The following GDAP1L1 variants were observed in gnomAD, a reference collection of about 807,000 sequenced individuals.
GDAP1L1 encodes the protein ganglioside-induced differentiation-associated protein 1-like 1.
GDAP1L1 carries 21 observed loss-of-function variants against 37.1 expected under a neutral mutation model. The observed-to-expected ratio is 0.57, with a 90% CI of 0.40 to 0.81. The LOEUF (loss-of-function observed/expected upper bound fraction) is 0.81, where lower values mean the gene tolerates loss of function less well. Ranked by LOEUF, GDAP1L1 falls within the 40% of genes least tolerant of loss-of-function variation. The pLI is 0.00. For synonymous variants in GDAP1L1, 193 were observed against 209.1 expected (o/e 0.92, Z 0.67); for missense variants, 362 against 491.6 (o/e 0.74, Z 2.49).
At chr20:44,270,097 G>C (rs1204422608) in intron 5 of GDAP1L1, among the ~76,000 whole-genome samples, 1 of 152,038 alleles carries the variant, frequency 6.6e-6, no homozygotes, top group Non-Finnish European at 1.5e-5. Context: ...ACAAAAAGAG[G>C]AATCAGGACC....
At chr20:44,257,061 T>C in intron 1 of GDAP1L1, 92 bp from the exon 2 acceptor site, 1 of 1,348,234 alleles carries the variant, frequency 7.4e-7, no homozygotes, top group Admixed American at 2.4e-5. Flanking sequence ...GTGTGTGACC[T>C]CTGACCTCCC....
At chr20:44,264,882 G>A in intron 5 of GDAP1L1, 1 of 1,078,518 alleles carries the variant, frequency 9.3e-7, no homozygotes, top group African/African-American at 1.7e-5. Flanking sequence ...GCACACAGTA[G>A]GTGTTTAATA....
intron 1 of GDAP1L1, among the ~76,000 whole-genome samples, chr20:44,247,804 G>T (rs2073362078): frequency 6.6e-6 from 1 of 151,964 alleles, no homozygotes; most frequent in Non-Finnish European, 1.5e-5. Flanking sequence ...TGGGGGGGCT[G>T]AGAAAAGAGA....
At position 44,263,798 on chromosome 20, in the gene GDAP1L1, C is replaced by T. The variant is rs191453096; in HGVS notation, c.645+471C>T. Reference sequence around the variant, plus strand: ...GGCGGAGGTTGCAGTGAGCTGAGATCGGGCCACTACACTCTAGCCTGGGCA... The same window carrying T: ...GGCGGAGGTTGCAGTGAGCTGAGATTGGGCCACTACACTCTAGCCTGGGCA... On this transcript the variant is annotated intron_variant, in intron 4 of 5. Coordinates refer to ENST00000342560, the MANE Select transcript of GDAP1L1 (RefSeq NM_024034.6). 2.2e-4 allele frequency among the ~76,000 whole-genome samples: 34 copies of T among 152,150 alleles called. 1 individual carries two copies. Among genetic ancestry groups the T allele is most frequent in the African/African-American group, 6.3e-4 (26 of 41,534 alleles).
chr20:44,256,341 T>C (rs1346517023), intron 1 of GDAP1L1, among the ~76,000 whole-genome samples: 3 of 152,152 alleles, frequency 2.0e-5, no homozygotes, highest in Non-Finnish European at 2.9e-5. Flanking sequence ...GTACCCCAAA[T>C]AATTTGAGAA....
At chr20:44,259,113 C>T (rs924075617) in intron 3 of GDAP1L1, among the ~76,000 whole-genome samples, 2 of 152,158 alleles carry the variant, frequency 1.3e-5, no homozygotes, top group African/African-American at 2.4e-5. Flanking sequence ...GAAGACTACC[C>T]AGATGTGGCA....
intron 3 of GDAP1L1, among the ~76,000 whole-genome samples, chr20:44,261,727 G>A (rs1479588257): frequency 6.6e-6 from 1 of 152,230 alleles, no homozygotes; most frequent in Admixed American, 6.5e-5. Context: ...GTGAATGGCA[G>A]CTCTGATTAG....
At chr20:44,276,458 A>AAGAAAG (rs1555801213) in intron 5 of GDAP1L1, among the ~76,000 whole-genome samples, 5 of 150,118 alleles carry the variant, frequency 3.3e-5, no homozygotes, top group African/African-American at 1.3e-4. Flanking sequence ...GAAAGAAAGA[A>AAGAAAG]AGAAAGAAAA....
At chr20:44,252,533 G>A (rs936640839) in intron 1 of GDAP1L1, among the ~76,000 whole-genome samples, 4 of 152,204 alleles carry the variant, frequency 2.6e-5, no homozygotes, top group African/African-American at 9.6e-5. Flanking sequence ...CCAGCTACTC[G>A]GGAGGCTGAG....
intron 5 of GDAP1L1, among the ~76,000 whole-genome samples, chr20:44,271,049 C>T (rs908756715): frequency 6.6e-6 from 1 of 152,074 alleles, no homozygotes; most frequent in African/African-American, 2.4e-5. Flanking sequence ...ATCACTTGAG[C>T]CCCAGGAGTT....
intron 4 of GDAP1L1, 152 bp from the exon 5 acceptor site, chr20:44,264,293 A>C (rs1034604142): frequency 4.2e-6 from 5 of 1,177,494 alleles, no homozygotes; most frequent in South Asian, 2.8e-5. Flanking sequence ...GCACCAGATG[A>C]GGGTGCTTCA....
At chr20:44,276,782 C>A (rs914598310) in intron 5 of GDAP1L1, among the ~76,000 whole-genome samples, 3 of 152,154 alleles carry the variant, frequency 2.0e-5, no homozygotes, top group African/African-American at 7.2e-5. Flanking sequence ...GCCCTCGTGG[C>A]GTTTCCACTC....
chr20:44,247,277 CGA>C (rs1012346397), upstream of GDAP1L1: 40 of 1,560,808 alleles, frequency 2.6e-5, no homozygotes, highest in African/African-American at 5.0e-4. Context: ...TGATGCTGGG[CGA>C]GAGAGAGCCG....
chr20:44,271,179 G>T (rs1350355176), intron 5 of GDAP1L1, among the ~76,000 whole-genome samples: 3 of 152,292 alleles, frequency 2.0e-5, no homozygotes, highest in Middle Eastern at 3.4e-3. Context: ...CAGGAGGATT[G>T]CTTGAGCCTA....
At chr20:44,252,147 C>T (rs930371898) in intron 1 of GDAP1L1, among the ~76,000 whole-genome samples, 34 of 152,180 alleles carry the variant, frequency 2.2e-4, no homozygotes, top group Admixed American at 1.7e-3. Flanking sequence ...TGTAATTTTC[C>T]CATCCTAGTT....
At chr20:44,256,065 T>C (rs2145998770) in intron 1 of GDAP1L1, among the ~76,000 whole-genome samples, 1 of 152,342 alleles carries the variant, frequency 6.6e-6, no homozygotes, top group African/African-American at 2.4e-5. Context: ...CAGAACTCCC[T>C]GGAAGGAGCC....
Position 44,264,059 on chromosome 20 carries a change from G to A in GDAP1L1, c.646-386G>A, listed in dbSNP as rs1411819384. Among the ~76,000 whole-genome samples, 4 of 152,166 alleles carry A rather than the reference G, an allele frequency of 2.6e-5. No individual in the cohort carries two copies. In the East Asian group the frequency reaches 7.7e-4, roughly 29 times the overall value. On this transcript the variant is annotated intron_variant, in intron 4 of 5. Transcript: ENST00000342560. ...ACAAAGGTGATCAACCTTGAAGTAA[G>A]GGGCCAGCCTTTTATCCCCTCATAT...
chr20:44,263,428 T>C, intron 4 of GDAP1L1, 101 bp downstream of exon 4: 1 of 880,002 alleles, frequency 1.1e-6, no homozygotes, highest in Admixed American at 2.0e-5. Context: ...TGATATGAAA[T>C]GGAAAAGCCC....
In GDAP1L1 at chr20:44,258,512, C is replaced by G. The variant is rs1414180662; in HGVS notation, c.452C>G (p.Ala151Gly). Residue 151 changes from alanine to glycine, a missense_variant, in exon 3 of 6, where the codon GCA becomes GGA. By Grantham distance (60) the Ala-to-Gly change is moderately conservative. Around this residue, in one of 2 missense-constraint regions of GDAP1L1, gnomAD observed 277 missense variants for 337.1 expected, o/e 0.82. Transcript: ENST00000342560. ...RVLQYRELLD[A>G]LPMDAYTHGC... ...CTGCAGTACCGGGAGCTGCTGGACG[C>G]ACTGCCCATGGATGCCTACACGCAT... The G allele has an allele frequency of 6.4e-7, 1 of 1,569,524 alleles. No homozygotes were observed. The highest frequency in any genetic ancestry group is 2.4e-5 in the East Asian group (1 of 42,070).
Sources: allele counts gnomAD v4.1 joint callset (sites outside exome capture counted in the v4.1 genomes callset), GRCh38; gene constraint gnomAD v4.1.1; regional missense constraint gnomAD v4.1.1; transcripts MANE v1.5; gene names NCBI Gene and HGNC (gene_info 2026-07-23, HGNC 2026-07-21).